The following TBC1D8 variants were observed in gnomAD, a reference collection of about 807,000 sequenced individuals.
The protein encoded by TBC1D8 is TBC1 domain family member 8.
Under a neutral mutation model 118.8 loss-of-function variants are expected in TBC1D8, and 65 were observed. That is an observed-to-expected ratio of 0.55 (90% CI 0.45 to 0.67). TBC1D8 has a LOEUF of 0.67. TBC1D8 is among the 30% of genes least tolerant of loss of function. The pLI is 0.00. For synonymous variants in TBC1D8, 566 were observed against 595.8 expected (o/e 0.95, Z 0.73); for missense variants, 1,376 against 1,471.2 (o/e 0.94, Z 1.06).
intron 19 of TBC1D8, among the ~76,000 whole-genome samples, chr2:101,008,877 T>C (rs961825073): frequency 4.6e-5 from 7 of 152,174 alleles, no homozygotes; most frequent in South Asian, 2.1e-4. Flanking sequence ...AGCTAGAGTT[T>C]ATAATAGGAA....
rs1054521082 is a variant in TBC1D8, at chr2:101,011,527, A to G, written c.2841T>C (p.Asn947=). The part of the protein sequence containing the change: ...RLHIPPALTE[N]DRDSQSPLRN... ...TCAACGGCGACTGGCTGTCTCGGTC[A>G]TTTTCAGTGAGTGCTTAAAAAAAGA... Residue 947 remains asparagine, a synonymous_variant, in exon 18 of 20, where the codon AAT becomes AAC. Transcript: ENST00000409318. The G allele has an allele frequency of 1.9e-6, 3 of 1,613,846 alleles. No individual in the cohort carries two copies. Among genetic ancestry groups the G allele is most frequent in the Non-Finnish European group, 8.5e-7 (1 of 1,179,896 alleles).
chr2:101,027,189 T>C (rs1438319376), intron 15 of TBC1D8, among the ~76,000 whole-genome samples, 194 bp downstream of exon 15: 1 of 152,068 alleles, frequency 6.6e-6, no homozygotes, highest in African/African-American at 2.4e-5. Context: ...TCCCATGTTC[T>C]AGGGTGGAGG....
chr2:101,011,768 A>G (rs995772463), intron 17 of TBC1D8, among the ~76,000 whole-genome samples: 4 of 152,338 alleles, frequency 2.6e-5, no homozygotes, highest in African/African-American at 9.6e-5. Context: ...GTATGTGGAG[A>G]CTGTTGTAAT....
At chr2:101,033,842 C>A (rs1329674935) in intron 9 of TBC1D8, 84 bp from the exon 10 acceptor site, 2 of 1,461,372 alleles carry the variant, frequency 1.4e-6, no homozygotes, top group South Asian at 1.3e-5. Flanking sequence ...CATCAGGGGA[C>A]CCCAGTGGGG....
chr2:101,036,848 T>A (rs760353379), intron 8 of TBC1D8, among the ~76,000 whole-genome samples: 2 of 152,250 alleles, frequency 1.3e-5, no homozygotes, highest in African/African-American at 2.4e-5. Flanking sequence ...ATACATTTTG[T>A]CAACAAAAGT....
intron 17 of TBC1D8, chr2:101,017,881 C>T (rs1195850881): frequency 6.4e-7 from 1 of 1,550,776 alleles, no homozygotes; most frequent in Non-Finnish European, 8.7e-7. Context: ...ATGATCTCTT[C>T]AAAACAGATT....
intron 1 of TBC1D8, among the ~76,000 whole-genome samples, chr2:101,143,547 T>C (rs529030764): frequency 1.3e-5 from 2 of 152,128 alleles, no homozygotes; most frequent in Non-Finnish European, 2.9e-5. Context: ...AGGTTACCAA[T>C]AGGTAGTTCT....
chr2:101,017,995 G>GC, intron 17 of TBC1D8: 1 of 1,455,422 alleles, frequency 6.9e-7, no homozygotes. Context: ...TCCAATGCTC[G>GC]CAATTCTACT....
chr2:101,045,271 C>A (rs1258217682), intron 5 of TBC1D8, among the ~76,000 whole-genome samples: 1 of 152,174 alleles, frequency 6.6e-6, no homozygotes, highest in Non-Finnish European at 1.5e-5. Context: ...TCTTTTATTT[C>A]TCTGCAAATC....
In TBC1D8 at chr2:101,054,034, C is replaced by T. The variant is rs758750256; in HGVS notation, c.631+74G>A. ...AAATCTGTCCAACTCTTCCTGTTAA[C>T]GGCCCTTCCTGGGAGCAGCGCTGAG... On this transcript the variant is annotated intron_variant, in intron 4 of 19. Transcript: ENST00000409318. 1.3e-4 allele frequency: 169 copies of T among 1,347,448 alleles called. 1 individual carries two copies. Among genetic ancestry groups the T allele is most frequent in the Middle Eastern group, 2.6e-4 (1 of 3,868 alleles). The allele number at this position is 1,347,448 out of a possible 1,614,324, so 83.5% of individuals were successfully genotyped here. A position where few individuals can be genotyped will look rare whatever the true frequency, so the allele number is the denominator to read the frequency against.
chr2:101,077,597 C>G (rs1281885037), intron 2 of TBC1D8, among the ~76,000 whole-genome samples: 2 of 152,232 alleles, frequency 1.3e-5, no homozygotes, highest in East Asian at 1.9e-4. Flanking sequence ...CACTCACTAT[C>G]TATCCTGAGG....
chr2:101,113,812 C>T (rs1677708400), intron 1 of TBC1D8, among the ~76,000 whole-genome samples: 1 of 152,160 alleles, frequency 6.6e-6, no homozygotes, highest in African/African-American at 2.4e-5. Flanking sequence ...AATAAAAAAA[C>T]GGTTGCTCTG....
chr2:101,074,550 A>G (rs1168313745), intron 2 of TBC1D8, among the ~76,000 whole-genome samples: 1 of 152,244 alleles, frequency 6.6e-6, no homozygotes, highest in Admixed American at 6.5e-5. Flanking sequence ...GTGAAACACA[A>G]TAGAAGGAGG....
At chr2:101,130,759 T>C (rs1176379476) in intron 1 of TBC1D8, among the ~76,000 whole-genome samples, 2 of 152,182 alleles carry the variant, frequency 1.3e-5, no homozygotes, top group East Asian at 3.9e-4. Flanking sequence ...CTAGTTTTGT[T>C]CACTGCTACA....
chr2:101,012,990 G>C (rs763560439), intron 17 of TBC1D8, among the ~76,000 whole-genome samples: 24 of 152,204 alleles, frequency 1.6e-4, no homozygotes, highest in Non-Finnish European at 3.1e-4. Context: ...GGATGGAAAT[G>C]GATTTCCCAG....
intron 1 of TBC1D8, among the ~76,000 whole-genome samples, chr2:101,128,086 A>T (rs1042320934): frequency 6.6e-6 from 1 of 152,172 alleles, no homozygotes; most frequent in Non-Finnish European, 1.5e-5. Flanking sequence ...TAAGGACAAG[A>T]TTTCTTTTCT....
At chr2:101,078,249 G>A (rs1354750847) in intron 2 of TBC1D8, among the ~76,000 whole-genome samples, 1 of 152,140 alleles carries the variant, frequency 6.6e-6, no homozygotes, top group Non-Finnish European at 1.5e-5. Context: ...CCCATCTTGA[G>A]AAATCGGTTC....
chr2:101,103,691 C>T (rs978986674), intron 1 of TBC1D8, among the ~76,000 whole-genome samples: 2 of 152,060 alleles, frequency 1.3e-5, no homozygotes, highest in African/African-American at 4.8e-5. Context: ...CGCGCATGGC[C>T]AGAACTCTTT....
At chr2:101,109,442 C>G (rs1158850621) in intron 1 of TBC1D8, among the ~76,000 whole-genome samples, 1 of 152,074 alleles carries the variant, frequency 6.6e-6, no homozygotes, top group Non-Finnish European at 1.5e-5. Flanking sequence ...TCAAACGGGT[C>G]AAAGACAAAA....
Sources: allele counts gnomAD v4.1 joint callset (sites outside exome capture counted in the v4.1 genomes callset), GRCh38; gene constraint gnomAD v4.1.1; transcripts MANE v1.5; gene names NCBI Gene and HGNC (gene_info 2026-07-23, HGNC 2026-07-21).